The following GABBR2 variants were observed in gnomAD, a reference collection of about 807,000 sequenced individuals.
The protein encoded by GABBR2 is gamma-aminobutyric acid type B receptor subunit 2, also known as G-protein coupled receptor 51.
Under a neutral mutation model 105.6 loss-of-function variants are expected in GABBR2, and 23 were observed. The observed-to-expected ratio is 0.22, with a 90% CI of 0.16 to 0.31. The LOEUF is 0.31. Ranked by LOEUF, GABBR2 falls within the 10% of genes least tolerant of loss-of-function variation. The pLI, the probability that GABBR2 is intolerant of heterozygous loss-of-function variation, is 1.00. For missense variants in GABBR2, 734 were observed against 1,245.5 expected (o/e 0.59, Z 6.18); for synonymous variants, 478 against 499.7 (o/e 0.96, Z 0.58).
chr9:98,507,616 A>G (rs1827540019), intron 3 of GABBR2, among the ~76,000 whole-genome samples: 1 of 152,242 alleles, frequency 6.6e-6, no homozygotes, highest in Non-Finnish European at 1.5e-5. Flanking sequence ...GCAGCAGAAC[A>G]GGAAACTGAT....
chr9:98,483,570 C>T (rs1826977558), intron 4 of GABBR2, among the ~76,000 whole-genome samples: 1 of 152,206 alleles, frequency 6.6e-6, no homozygotes, highest in African/African-American at 2.4e-5. Context: ...TTCTCTATCA[C>T]ATTTCTCATA....
At chr9:98,398,708 T>G (rs575018478) in intron 8 of GABBR2, among the ~76,000 whole-genome samples, 24 of 152,224 alleles carry the variant, frequency 1.6e-4, no homozygotes, top group Middle Eastern at 3.4e-3. Context: ...GAAGTGATTT[T>G]TCACTTCCAC....
At chr9:98,429,156 T>TGTGTG (rs1825755214) in intron 7 of GABBR2, among the ~76,000 whole-genome samples, 1 of 120,682 alleles carries the variant, frequency 8.3e-6, no homozygotes, top group East Asian at 3.1e-4. Flanking sequence ...GTGTGTGTGT[T>TGTGTG]TGAGACAAAG....
chr9:98,542,168 T>A, intron 2 of GABBR2, 125 bp from the exon 3 acceptor site: 1 of 714,530 alleles, frequency 1.4e-6, no homozygotes, highest in Non-Finnish European at 2.2e-6. Flanking sequence ...GGACAGATAT[T>A]TTTAAAACTT....
Position 98,493,335 on chromosome 9 carries a change from C to G in GABBR2, c.732+3078G>C, listed in dbSNP as rs532517844. On this transcript the variant is annotated intron_variant, in intron 4 of 18. Transcript: ENST00000259455. ...GTCTAAGGAGCCCTGGTTCCTTTTA[C>G]TGGAGAATGGTGTTAGGAACCAAAA... Among the ~76,000 whole-genome samples, 2 of 152,310 alleles carry G rather than the reference C, an allele frequency of 1.3e-5. 1 individual carries two copies. The highest frequency in any genetic ancestry group is 4.1e-4 in the South Asian group (2 of 4,820).
Position 98,480,955 on chromosome 9 carries a change from T to C in GABBR2, c.775A>G (p.Met259Val), listed in dbSNP as rs771593744. The C allele has an allele frequency of 2.5e-6, 4 of 1,604,404 alleles. No homozygotes were observed. The highest frequency in any genetic ancestry group is 3.4e-6 in the Non-Finnish European group (4 of 1,171,108). The change falls in exon 5 of 19, where the codon ATG becomes GTG. Residue 259 changes from methionine (M) to valine (V), a missense_variant. Physicochemically the swap from Met to Val is conservative, Grantham distance 21. This residue lies in a region of GABBR2 where 370 missense variants were observed against 648.9 expected (regional missense o/e 0.57). Transcript: ENST00000259455. ...RIILGQFDQN[M>V]AAKVFCCAYE... is the part of the protein sequence containing the mutation. ...ACACAACAGAACACTTTTGCTGCCATATTCTGGTCAAACTGGCCAAGGATG... is the reference window on the plus strand; with the variant it reads ...ACACAACAGAACACTTTTGCTGCCACATTCTGGTCAAACTGGCCAAGGATG...
intron 12 of GABBR2, among the ~76,000 whole-genome samples, chr9:98,363,846 C>T (rs924387585): frequency 1.8e-4 from 27 of 152,100 alleles, no homozygotes; most frequent in African/African-American, 5.8e-4. Context: ...TAAATATTTT[C>T]GGTGCCAAAG....
intron 5 of GABBR2, among the ~76,000 whole-genome samples, chr9:98,477,900 C>T (rs1204306152): frequency 7.2e-5 from 11 of 152,114 alleles, no homozygotes; most frequent in African/African-American, 1.2e-4. Flanking sequence ...AGACAGGGTA[C>T]GGATCATTGC....
At chr9:98,701,089 C>T (rs1830824563) in intron 1 of GABBR2, among the ~76,000 whole-genome samples, 1 of 152,166 alleles carries the variant, frequency 6.6e-6, no homozygotes, top group African/African-American at 2.4e-5. Flanking sequence ...GGATCGTTAT[C>T]TTGTGCTTCC....
At chr9:98,681,995 G>T (rs993549119) in intron 1 of GABBR2, among the ~76,000 whole-genome samples, 2 of 152,114 alleles carry the variant, frequency 1.3e-5, no homozygotes, top group Non-Finnish European at 2.9e-5. Flanking sequence ...CCCACTTTGG[G>T]GGGTGGAGAC....
intron 2 of GABBR2, among the ~76,000 whole-genome samples, chr9:98,575,563 T>C (rs1328377824): frequency 1.3e-5 from 2 of 152,142 alleles, no homozygotes; most frequent in African/African-American, 4.8e-5. Context: ...ATGATGAAAC[T>C]GAGGCTCAGG....
chr9:98,290,499 C>T lies in GABBR2; in HGVS notation c.*85G>A, dbSNP rs538918473. On this transcript the variant is annotated 3_prime_UTR_variant, in exon 19 of 19. Transcript: ENST00000259455. ...CCATGGTGCCCAGCTTCTCCGCAGC[C>T]AGAGCCGACAGTGTTTCTGCAGCAG... 1.9e-5 allele frequency: 19 copies of T among 1,012,590 alleles called. No individual in the cohort carries two copies. In the Middle Eastern group the frequency reaches 1.7e-3, roughly 92 times the overall value. 62.7% of individuals were successfully genotyped at this position (1,012,590 alleles called of 1,614,324 possible). A position where few individuals can be genotyped will look rare whatever the true frequency, so the allele number is the denominator to read the frequency against.
chr9:98,457,260 T>C (rs1219982687), intron 6 of GABBR2, among the ~76,000 whole-genome samples: 1 of 152,192 alleles, frequency 6.6e-6, no homozygotes, highest in Non-Finnish European at 1.5e-5. Context: ...AATGACTACA[T>C]TCAGATGACA....
intron 1 of GABBR2, among the ~76,000 whole-genome samples, chr9:98,657,763 C>T (rs1564143421): frequency 6.6e-6 from 1 of 152,254 alleles, no homozygotes; most frequent in African/African-American, 2.4e-5. Flanking sequence ...GGAGCCATTT[C>T]CCTCATGCTG....
intron 3 of GABBR2, among the ~76,000 whole-genome samples, chr9:98,535,084 A>G (rs927345171): frequency 2.6e-5 from 4 of 152,060 alleles, no homozygotes; most frequent in Non-Finnish European, 2.9e-5. Context: ...CCAACCATGA[A>G]TTGAGGATAT....
chr9:98,569,335 T>C (rs1245156742), intron 2 of GABBR2, among the ~76,000 whole-genome samples: 1 of 152,170 alleles, frequency 6.6e-6, no homozygotes, highest in Non-Finnish European at 1.5e-5. Flanking sequence ...GTGTGTACTT[T>C]GAGCATCTTG....
chr9:98,400,314 C>A (rs146448299), intron 8 of GABBR2, among the ~76,000 whole-genome samples: 2 of 151,824 alleles, frequency 1.3e-5, no homozygotes, highest in African/African-American at 2.4e-5. Flanking sequence ...AGAAACGATA[C>A]GTAAAGTCAC....
intron 2 of GABBR2, among the ~76,000 whole-genome samples, chr9:98,572,901 A>G (rs770742271): frequency 2.0e-5 from 3 of 152,078 alleles, no homozygotes; most frequent in Non-Finnish European, 4.4e-5. Flanking sequence ...GCAGCCGTTG[A>G]TCCAGCCCCA....
chr9:98,654,090 G>A (rs945666386), intron 1 of GABBR2, among the ~76,000 whole-genome samples: 5 of 152,228 alleles, frequency 3.3e-5, no homozygotes, highest in South Asian at 2.1e-4. Flanking sequence ...CCATAACATC[G>A]CTCTCACCTG....
Sources: allele counts gnomAD v4.1 joint callset (sites outside exome capture counted in the v4.1 genomes callset), GRCh38; gene constraint gnomAD v4.1.1; regional missense constraint gnomAD v4.1.1; transcripts MANE v1.5; gene names NCBI Gene and HGNC (gene_info 2026-07-23, HGNC 2026-07-21).